LRTM1: variants seen among roughly 807,000 people sequenced by gnomAD.
LRTM1 encodes the protein leucine rich repeat transmembrane protein 1.
In LRTM1, 38 loss-of-function variants were observed where a neutral mutation model predicts 32.4. That is an observed-to-expected ratio of 1.17 (90% CI 0.91 to 1.54). The LOEUF is 1.54. Ranked by LOEUF, LRTM1 falls within the 40% of genes most tolerant of loss-of-function variation. The probability of loss-of-function intolerance (pLI) is 0.00; values close to 1 mark genes in which losing one functional copy is unlikely to be tolerated. For synonymous variants in LRTM1, 186 were observed against 169.9 expected, an observed-to-expected ratio of 1.09 and a Z score of -0.74; for missense variants, 466 against 415.4, an observed-to-expected ratio of 1.12 and a Z score of -1.06.
intron 1 of LRTM1, among the ~76,000 whole-genome samples, chr3:54,966,378 C>T (rs1215478415): frequency 6.6e-6 from 1 of 152,212 alleles, no homozygotes; most frequent in Non-Finnish European, 1.5e-5. Flanking sequence ...TTCAGGCATT[C>T]TCTGAAATGT....
rs112343452 is a variant in LRTM1 at position 54,960,164 on chromosome 3, C to T, written c.-222+6764G>A. On this transcript the variant is annotated intron_variant, in intron 1 of 2. Coordinates refer to the LRTM1 transcript ENST00000493075. ...CCTACACTGGTTCCCAGAAGCCAGT[C>T]ACAGGCAGCAGGTAGGGATGGTTAC... 4.6e-5 allele frequency among the ~76,000 whole-genome samples: 7 copies of T among 151,750 alleles called. 1 individual carries two copies. Among genetic ancestry groups the T allele is most frequent in the African/African-American group, 1.5e-4 (6 of 41,376 alleles).
upstream of LRTM1, among the ~76,000 whole-genome samples, chr3:54,930,590 G>A (rs1701163263): frequency 1.3e-5 from 2 of 152,184 alleles, no homozygotes; most frequent in Non-Finnish European, 2.9e-5. Flanking sequence ...AGAACCAAAG[G>A]CAGTCAAGGA....
chr3:54,921,613 A>G (rs1315608414), intron 2 of LRTM1, among the ~76,000 whole-genome samples: 1 of 152,184 alleles, frequency 6.6e-6, no homozygotes, highest in Admixed American at 6.5e-5. Flanking sequence ...ATGGAATTCA[A>G]TTAATTGAAT....
intron 1 of LRTM1, among the ~76,000 whole-genome samples, chr3:54,957,154 T>C (rs12635080): frequency 3.3e-5 from 5 of 149,570 alleles, no homozygotes; most frequent in Non-Finnish European, 7.4e-5. Context: ...AATCAAGTTA[T>C]AAAATAATTT....
chr3:54,922,129 A>G (rs1159650412), intron 2 of LRTM1, among the ~76,000 whole-genome samples: 1 of 152,094 alleles, frequency 6.6e-6, no homozygotes, highest in African/African-American at 2.4e-5. Flanking sequence ...GGCGTGTTGA[A>G]ATGCGTCACA....
At chr3:54,921,014 C>T (rs1700832549) in intron 2 of LRTM1, among the ~76,000 whole-genome samples, 2 of 152,170 alleles carry the variant, frequency 1.3e-5, no homozygotes, top group Admixed American at 1.3e-4. Flanking sequence ...GCAGGTGATC[C>T]TCAGCCGGGA....
chr3:54,918,995 CT>C (rs3832225), intron 2 of LRTM1, 103 bp from the exon 3 acceptor site: 31,835 of 677,970 alleles, frequency 0.047, 3 homozygotes, highest in Non-Finnish European at 0.055. Flanking sequence ...TATGAAGTAC[CT>C]TTTTTTTTTT....
In LRTM1 at chr3:54,918,763, T is replaced by G. The variant is rs371576054; in HGVS notation, c.734A>C (p.Gln245Pro). 3.1e-6 allele frequency: 5 copies of G among 1,614,052 alleles called. No individual in the cohort carries two copies. Among genetic ancestry groups the G allele is most frequent in the Non-Finnish European group, 4.2e-6 (5 of 1,180,036 alleles). ...PAPDPVSSQA[Q>P]WPGSAHGVVL... is the part of the protein sequence containing the mutation. The stretch of plus-strand genomic sequence containing the variant: ...CACACCGTGGGCAGAGCCGGGCCAC[T>G]GAGCCTGCGAGGACACTGGATCAGG... The change falls in exon 3 of 3, where the codon CAG (glutamine) becomes CCG (proline). Residue 245 changes from glutamine to proline, a missense_variant. Gln to Pro is a moderately conservative substitution (Grantham distance 76). Coordinates refer to ENST00000273286, the MANE Select transcript of LRTM1 (RefSeq NM_020678.4).
At chr3:54,957,489 G>A (rs994602039) in intron 1 of LRTM1, among the ~76,000 whole-genome samples, 6 of 152,084 alleles carry the variant, frequency 3.9e-5, no homozygotes, top group Non-Finnish European at 5.9e-5. Context: ...TAGGTAATTC[G>A]GAGACATATC....
At chr3:54,929,092 C>T (rs906986861), upstream of LRTM1, among the ~76,000 whole-genome samples, 1 of 152,116 alleles carries the variant, frequency 6.6e-6, no homozygotes. Context: ...TATAATTGAG[C>T]CATTGGGTTT....
chr3:54,930,097 A>G (rs1252158808), upstream of LRTM1, among the ~76,000 whole-genome samples: 2 of 152,226 alleles, frequency 1.3e-5, no homozygotes, highest in Non-Finnish European at 2.9e-5. Flanking sequence ...CAATACATAA[A>G]TCAATGGGTG....
chr3:54,959,669 G>C (rs1222433357), intron 1 of LRTM1, among the ~76,000 whole-genome samples: 1 of 152,082 alleles, frequency 6.6e-6, no homozygotes, highest in African/African-American at 2.4e-5. Flanking sequence ...ACATTGATTT[G>C]TGCAGCCCTG....
At chr3:54,936,793 A>G (rs905445525) in intron 1 of LRTM1, among the ~76,000 whole-genome samples, 3 of 152,146 alleles carry the variant, frequency 2.0e-5, no homozygotes, top group South Asian at 2.1e-4. Context: ...AAGCATGACT[A>G]TCAGAGTTTT....
intron 1 of LRTM1, among the ~76,000 whole-genome samples, chr3:54,946,924 A>G (rs1701630433): frequency 6.6e-6 from 1 of 152,188 alleles, no homozygotes; most frequent in Non-Finnish European, 1.5e-5. Flanking sequence ...CACTGTGTCA[A>G]TAAAAATAGT....
At chr3:54,931,619 C>G (rs980045587), upstream of LRTM1, among the ~76,000 whole-genome samples, 2 of 152,144 alleles carry the variant, frequency 1.3e-5, no homozygotes, top group African/African-American at 4.8e-5. Context: ...TGCCAGGACC[C>G]CAGGTTCCCA....
In LRTM1 at chr3:54,956,047, C is replaced by T. The variant is rs886735317; in HGVS notation, c.-222+10881G>A. On this transcript the variant is annotated intron_variant, in intron 1 of 2. Coordinates refer to the LRTM1 transcript ENST00000493075. The stretch of plus-strand genomic sequence containing the variant: ...GATTACTCCAGAGTGCCGTCCGCCC[C>T]TCCTTAATGTTTCCCTGTCTCCTTC... Among the ~76,000 whole-genome samples, 5 of 152,198 alleles carry T rather than the reference C, an allele frequency of 3.3e-5. No homozygotes were observed. The South Asian group carries it at 6.2e-4, about 19-fold the overall frequency.
At chr3:54,933,785 G>T (rs1485470427) in intron 1 of LRTM1, among the ~76,000 whole-genome samples, 4 of 145,770 alleles carry the variant, frequency 2.7e-5, no homozygotes, top group South Asian at 2.2e-4. Flanking sequence ...TTGAGACAAA[G>T]TCTCACTCTG....
intron 1 of LRTM1, among the ~76,000 whole-genome samples, chr3:54,942,489 G>T (rs1238185761): frequency 6.6e-6 from 1 of 152,180 alleles, no homozygotes; most frequent in Non-Finnish European, 1.5e-5. Context: ...CTGATTATAT[G>T]CTCCTCTTAA....
At chr3:54,952,560 G>A (rs761671536) in intron 1 of LRTM1, among the ~76,000 whole-genome samples, 19 of 152,214 alleles carry the variant, frequency 1.2e-4, no homozygotes, top group Non-Finnish European at 2.5e-4. Flanking sequence ...CTTTTCTATA[G>A]GGACAGGGTC....
Sources: gnomAD v4.1 joint callset for allele counts (sites outside exome capture counted in the v4.1 genomes callset) on GRCh38, gnomAD v4.1.1 for gene constraint, MANE v1.5 for transcripts, NCBI Gene and HGNC (gene_info 2026-07-23, HGNC 2026-07-21) for gene names.